Variants in PTPRK observed in about 807,000 individuals in gnomAD.
The protein encoded by PTPRK is protein tyrosine phosphatase receptor type K.
Under a neutral mutation model 178.0 loss-of-function variants are expected in PTPRK, and 75 were observed. That is an observed-to-expected ratio of 0.42 (90% CI 0.35 to 0.51). The LOEUF (loss-of-function observed/expected upper bound fraction) is 0.51, where lower values mean the gene tolerates loss of function less well. Among genes scored for constraint, PTPRK ranks in the 20% least tolerant of loss-of-function variants. The pLI, the probability that PTPRK is intolerant of heterozygous loss-of-function variation, is 0.02. For missense variants in PTPRK, 1,441 were observed against 1,797.8 expected (o/e 0.80, Z 3.59); for synonymous variants, 637 against 620.6 (o/e 1.03, Z -0.39).
intron 3 of PTPRK, among the ~76,000 whole-genome samples, chr6:128,261,743 G>T (rs1427276729): frequency 1.3e-5 from 2 of 152,158 alleles, no homozygotes; most frequent in African/African-American, 4.8e-5. Flanking sequence ...CTAGTGACTA[G>T]CTCATTGAAC....
chr6:128,109,653 C>T (rs891557431), intron 7 of PTPRK, among the ~76,000 whole-genome samples: 4 of 152,168 alleles, frequency 2.6e-5, no homozygotes, highest in African/African-American at 9.7e-5. Context: ...GTGATCCATT[C>T]ATACCTAGAG....
chr6:128,160,226 G>A (rs1798506114), intron 7 of PTPRK, among the ~76,000 whole-genome samples: 1 of 151,612 alleles, frequency 6.6e-6, no homozygotes, highest in African/African-American at 2.4e-5. Context: ...CTAAAAGGGA[G>A]CAATATCAGT....
chr6:128,113,262 T>C (rs1012099043), intron 7 of PTPRK, among the ~76,000 whole-genome samples: 2 of 151,926 alleles, frequency 1.3e-5, no homozygotes, highest in African/African-American at 4.8e-5. Context: ...TATACATATG[T>C]ACACAGACAG....
At chr6:128,150,737 G>A (rs1372242818) in intron 7 of PTPRK, among the ~76,000 whole-genome samples, 2 of 152,036 alleles carry the variant, frequency 1.3e-5, no homozygotes, top group African/African-American at 4.8e-5. Context: ...ACTGAAGAAG[G>A]GAAGGGCAAC....
At chr6:128,283,096 T>C (rs1210735472) in intron 3 of PTPRK, among the ~76,000 whole-genome samples, 4 of 152,172 alleles carry the variant, frequency 2.6e-5, no homozygotes, top group African/African-American at 9.6e-5. Context: ...AGTGTCCTGA[T>C]TTCTCCAGGA....
chr6:128,321,906 C>G (rs765577729), intron 3 of PTPRK, 133 bp downstream of exon 3: 17 of 1,174,808 alleles, frequency 1.4e-5, no homozygotes, highest in Non-Finnish European at 1.9e-5. Flanking sequence ...ATGACACTTC[C>G]CCAATAATGG....
intron 6 of PTPRK, among the ~76,000 whole-genome samples, chr6:128,216,996 C>A (rs1355344554): frequency 1.3e-5 from 2 of 152,144 alleles, no homozygotes; most frequent in Non-Finnish European, 2.9e-5. Flanking sequence ...ATCTCCTTCA[C>A]TGGTTGCAAA....
intron 13 of PTPRK, among the ~76,000 whole-genome samples, chr6:128,056,164 C>G (rs1268114679): frequency 6.6e-6 from 1 of 151,190 alleles, no homozygotes; most frequent in Non-Finnish European, 1.5e-5. Flanking sequence ...TTTGTTTTCC[C>G]CTCCCTCTTT....
At chr6:128,311,820 C>A (rs1453999422) in intron 3 of PTPRK, among the ~76,000 whole-genome samples, 1 of 152,080 alleles carries the variant, frequency 6.6e-6, no homozygotes, top group Non-Finnish European at 1.5e-5. Context: ...TCTTGGAGAT[C>A]CTTTATTAGT....
intron 2 of PTPRK, among the ~76,000 whole-genome samples, chr6:128,377,049 GATCCCTCTAAACT>G (rs1474835833): frequency 3.9e-5 from 6 of 152,104 alleles, no homozygotes; most frequent in Non-Finnish European, 8.8e-5. Context: ...GTCTTCTTCT[GATCCCTCTAAACT>G]GTTCTAACCT....
intron 7 of PTPRK, among the ~76,000 whole-genome samples, chr6:128,124,495 C>A (rs1793010034): frequency 6.6e-6 from 1 of 152,106 alleles, no homozygotes; most frequent in South Asian, 2.1e-4. Context: ...GTGGACACAT[C>A]CTTTTGGGGG....
chr6:128,358,409 T>C (rs1204423095), intron 2 of PTPRK, among the ~76,000 whole-genome samples: 1 of 152,176 alleles, frequency 6.6e-6, no homozygotes, highest in African/African-American at 2.4e-5. Flanking sequence ...CTGCTACATA[T>C]TCAGAGTAAC....
intron 13 of PTPRK, among the ~76,000 whole-genome samples, chr6:128,012,880 A>G (rs967495079): frequency 6.6e-6 from 1 of 151,310 alleles, no homozygotes; most frequent in Admixed American, 6.6e-5. Context: ...CATTATTGTC[A>G]CTCAAATTCT....
At chr6:128,402,344 G>C (rs1841135461) in intron 1 of PTPRK, among the ~76,000 whole-genome samples, 1 of 152,154 alleles carries the variant, frequency 6.6e-6, no homozygotes, top group African/African-American at 2.4e-5. Context: ...AGCAACCTCT[G>C]CCTTCCAGGT....
At chr6:128,297,778 G>T (rs534400348) in intron 3 of PTPRK, among the ~76,000 whole-genome samples, 1 of 152,280 alleles carries the variant, frequency 6.6e-6, no homozygotes, top group East Asian at 1.9e-4. Flanking sequence ...AAGCAGGAAA[G>T]ATCCAAAATT....
chr6:128,290,921 T>C (rs1220612521), intron 3 of PTPRK, among the ~76,000 whole-genome samples: 1 of 152,094 alleles, frequency 6.6e-6, no homozygotes, highest in Admixed American at 6.6e-5. Context: ...TTTTTTGCTG[T>C]TAATCTTCAG....
At chr6:128,081,003 C>A (rs1442339801) in intron 10 of PTPRK, among the ~76,000 whole-genome samples, 1 of 151,706 alleles carries the variant, frequency 6.6e-6, no homozygotes, top group Non-Finnish European at 1.5e-5. Flanking sequence ...GTATCTGAGC[C>A]TTGAGAGACA....
intron 1 of PTPRK, among the ~76,000 whole-genome samples, chr6:128,427,601 A>G (rs1844308602): frequency 1.3e-5 from 2 of 152,210 alleles, no homozygotes; most frequent in South Asian, 4.1e-4. Flanking sequence ...TTACTTTTTT[A>G]TGATTCAATT....
intron 2 of PTPRK, among the ~76,000 whole-genome samples, chr6:128,342,695 C>T (rs1461177047): frequency 6.6e-6 from 1 of 151,628 alleles, no homozygotes; most frequent in Non-Finnish European, 1.5e-5. Context: ...AGTTTTAAAA[C>T]AAAATAAAAT....
Sources: allele counts gnomAD v4.1 joint callset (sites outside exome capture counted in the v4.1 genomes callset), GRCh38; gene constraint gnomAD v4.1.1; transcripts MANE v1.5; gene names NCBI Gene and HGNC (gene_info 2026-07-23, HGNC 2026-07-21).